The following STAB2 variants were observed in gnomAD, a reference collection of about 807,000 sequenced individuals.
STAB2 encodes the protein stabilin-2.
STAB2 carries 288 observed loss-of-function variants against 338.1 expected under a neutral mutation model. The observed-to-expected ratio is 0.85, with a 90% CI of 0.77 to 0.94. The LOEUF is 0.94. STAB2 is among the 40% of genes least tolerant of loss of function. The pLI, the probability that STAB2 is intolerant of heterozygous loss-of-function variation, is 0.00. For synonymous variants in STAB2, 1,202 were observed against 1,193.3 expected, an observed-to-expected ratio of 1.01 and a Z score of -0.15; for missense variants, 3,141 against 3,210.1, an observed-to-expected ratio of 0.98 and a Z score of 0.52.
intron 50 of STAB2, among the ~76,000 whole-genome samples, chr12:103,732,421 C>T (rs1052368930): frequency 6.6e-6 from 1 of 152,184 alleles, no homozygotes; most frequent in Non-Finnish European, 1.5e-5. Context: ...GCAGGCCAAG[C>T]ATCTTTCTGA....
chr12:103,707,704 A>G (rs1256971739), intron 38 of STAB2, among the ~76,000 whole-genome samples: 1 of 152,218 alleles, frequency 6.6e-6, no homozygotes, highest in Non-Finnish European at 1.5e-5. Flanking sequence ...CTAACAAAGC[A>G]TTATTCTACC....
chr12:103,759,647 T>C (rs1032009000), intron 65 of STAB2, among the ~76,000 whole-genome samples: 1 of 151,932 alleles, frequency 6.6e-6, no homozygotes, highest in Admixed American at 6.6e-5. Context: ...AAACAAGTTA[T>C]CCAGCTTCCC....
chr12:103,689,934 A>T lies in STAB2; in HGVS notation c.3134A>T (p.Asp1045Val). 6.2e-7 allele frequency: 1 copy of T among 1,614,192 alleles called. No homozygotes were observed. The highest frequency in any genetic ancestry group is 8.5e-7 in the Non-Finnish European group (1 of 1,180,004). The part of the protein sequence containing the change: ...SQQATEDMDQ[D>V]EKSFWLSQSN... ...CAAGCTACTGAGGACATGGACCAGG[A>T]TGAGAAAAGCTTCTGGTTGTCACAG... The change falls in exon 29 of 69, where the codon GAT (aspartate) becomes GTT (valine). Residue 1045 changes from aspartate (D) to valine (V), a missense_variant. Asp to Val is a radical substitution (Grantham distance 152). Coordinates refer to ENST00000388887, the MANE Select transcript of STAB2 (RefSeq NM_017564.10).
intron 22 of STAB2, among the ~76,000 whole-genome samples, chr12:103,672,499 T>C (rs1282572290): frequency 1.3e-5 from 2 of 152,152 alleles, no homozygotes; most frequent in African/African-American, 4.8e-5. Context: ...CCTAAAATTG[T>C]ATAACAATTC....
At chr12:103,765,589 G>A (rs1053492751) in intron 68 of STAB2, among the ~76,000 whole-genome samples, 1 of 152,180 alleles carries the variant, frequency 6.6e-6, no homozygotes, top group Non-Finnish European at 1.5e-5. Context: ...TTTTAGGCAG[G>A]GTCCTGGTGT....
At chr12:103,729,990 G>A in intron 48 of STAB2, 126 bp from the exon 49 acceptor site, 1 of 824,502 alleles carries the variant, frequency 1.2e-6, no homozygotes, top group Non-Finnish European at 1.8e-6. Flanking sequence ...ATACACTCAA[G>A]TATTAACTTG....
chr12:103,668,988 G>A, intron 20 of STAB2: 1 of 400,646 alleles, frequency 2.5e-6, no homozygotes, highest in Non-Finnish European at 4.5e-6. Context: ...CTCTGCCTGT[G>A]GCTCTGACCT....
intron 3 of STAB2, among the ~76,000 whole-genome samples, chr12:103,608,748 T>C (rs1273399743): frequency 6.6e-6 from 1 of 152,228 alleles, no homozygotes; most frequent in African/African-American, 2.4e-5. Context: ...GTTTTAGACA[T>C]GAAGTACTTT....
At position 103,731,587 on chromosome 12, in the gene STAB2, G is replaced by T; in HGVS notation, c.5235G>T (p.Thr1745=). 1 of 1,613,652 alleles carries T rather than the reference G, an allele frequency of 6.2e-7. No homozygotes were observed. Among genetic ancestry groups the T allele is most frequent in the South Asian group, 1.1e-5 (1 of 90,990 alleles). ...TATTATCTTTGCAGCAAAATCTTAC[G>T]ACTTTGGCAACAAACAATGGCTACA... ...DNSGRILQNL[T]TLATNNGYIK... The change falls in exon 50 of 69, where the codon ACG becomes ACT. Residue 1745 remains threonine, a synonymous_variant. Coordinates refer to ENST00000388887, the MANE Select transcript of STAB2 (RefSeq NM_017564.10).
Position 103,730,267 on chromosome 12 carries a change from T to C in STAB2, c.5223+11T>C, listed in dbSNP as rs750824578. ...TCTGGAAGAATTCTGGTAGGTAAACTCTCTGTTATGTTTTCAGCCTGGAGT... is the reference window on the plus strand; with the variant it reads ...TCTGGAAGAATTCTGGTAGGTAAACCCTCTGTTATGTTTTCAGCCTGGAGT... On this transcript the variant is annotated intron_variant, in intron 49 of 68. Coordinates refer to ENST00000388887, the MANE Select transcript of STAB2 (RefSeq NM_017564.10). The C allele has an allele frequency of 3.8e-5, 61 of 1,613,190 alleles. No homozygotes were observed. The highest frequency in any genetic ancestry group is 1.3e-5 in the African/African-American group (1 of 74,854).
chr12:103,750,536 T>C, intron 59 of STAB2, 43 bp from the exon 60 acceptor site: 1 of 1,608,012 alleles, frequency 6.2e-7, no homozygotes, highest in Non-Finnish European at 8.5e-7. Flanking sequence ...CCTGGGGTCC[T>C]AGAGAAGGAA....
intron 3 of STAB2, among the ~76,000 whole-genome samples, chr12:103,601,364 G>A (rs148843687): frequency 2.5e-3 from 388 of 152,322 alleles, no homozygotes; most frequent in African/African-American, 8.8e-3. Context: ...GGCCAAGGAG[G>A]GCAGATATCT....
At chr12:103,660,505 A>G in intron 16 of STAB2, 121 bp downstream of exon 16, 1 of 1,340,344 alleles carries the variant, frequency 7.5e-7, no homozygotes, top group Non-Finnish European at 1.1e-6. Flanking sequence ...ATAAACCCTC[A>G]GCCATGAACA....
intron 1 of STAB2, among the ~76,000 whole-genome samples, chr12:103,589,554 A>G (rs1404357204): frequency 6.6e-6 from 1 of 152,228 alleles, no homozygotes. Context: ...TTGGCACAGC[A>G]TATTTCTAAG....
intron 34 of STAB2, among the ~76,000 whole-genome samples, chr12:103,702,024 C>CACACACA (rs1566028133): frequency 7.1e-6 from 1 of 140,538 alleles, no homozygotes; most frequent in African/African-American, 2.7e-5. Flanking sequence ...ACACACACAC[C>CACACACA]CCACCCCAAT....
intron 12 of STAB2, among the ~76,000 whole-genome samples, chr12:103,653,961 G>A (rs1392750880): frequency 1.3e-5 from 2 of 151,626 alleles, no homozygotes; most frequent in Non-Finnish European, 2.9e-5. Context: ...TGGATAGGTG[G>A]ATGGATGGAT....
chr12:103,754,272 G>A (rs1489934176), intron 61 of STAB2, among the ~76,000 whole-genome samples: 1 of 151,864 alleles, frequency 6.6e-6, no homozygotes, highest in East Asian at 1.9e-4. Context: ...TGACTTACCT[G>A]GAATGTTTGT....
At chr12:103,712,744 A>G (rs1472803390) in intron 41 of STAB2, among the ~76,000 whole-genome samples, 1 of 152,210 alleles carries the variant, frequency 6.6e-6, no homozygotes, top group East Asian at 1.9e-4. Context: ...TTATGACAGC[A>G]TTACTATATA....
At chr12:103,766,056 G>C in intron 68 of STAB2, 1 of 672,026 alleles carries the variant, frequency 1.5e-6, no homozygotes, top group Non-Finnish European at 2.7e-6. Context: ...GAGTTGGGAT[G>C]ATTTGTCTTG....
Sources: allele counts gnomAD v4.1 joint callset (sites outside exome capture counted in the v4.1 genomes callset), GRCh38; gene constraint gnomAD v4.1.1; transcripts MANE v1.5; gene names NCBI Gene and HGNC (gene_info 2026-07-23, HGNC 2026-07-21).